GMDS: variants seen among roughly 807,000 people sequenced by gnomAD.
The protein encoded by GMDS is GDP-mannose 4,6 dehydratase.
Under a neutral mutation model 49.9 loss-of-function variants are expected in GMDS, and 20 were observed. The observed-to-expected ratio is 0.40, with a 90% CI of 0.28 to 0.58. The LOEUF (loss-of-function observed/expected upper bound fraction) is 0.58. GMDS is among the 20% of genes least tolerant of loss of function. The probability of loss-of-function intolerance (pLI) is 0.42; values close to 1 mark genes in which losing one functional copy is unlikely to be tolerated. For synonymous variants in GMDS, 177 were observed against 178.6 expected (o/e 0.99, Z 0.07); for missense variants, 362 against 481.4 (o/e 0.75, Z 2.32).
At chr6:1,672,842 C>T (rs541667372) in intron 9 of GMDS, among the ~76,000 whole-genome samples, 10 of 152,328 alleles carry the variant, frequency 6.6e-5, no homozygotes, top group Admixed American at 3.3e-4. Context: ...GGAAACTGCC[C>T]TGAGATGCTA....
intron 4 of GMDS, among the ~76,000 whole-genome samples, chr6:2,100,235 G>T (rs1773844779): frequency 6.6e-6 from 1 of 151,948 alleles, no homozygotes; most frequent in Non-Finnish European, 1.5e-5. Flanking sequence ...AATCAATGAG[G>T]CTTAAATCAC....
At chr6:1,850,995 G>A (rs186950688) in intron 7 of GMDS, among the ~76,000 whole-genome samples, 6 of 152,254 alleles carry the variant, frequency 3.9e-5, no homozygotes, top group Admixed American at 1.3e-4. Flanking sequence ...CCTACTCTAC[G>A]AGACTTTTAG....
At chr6:2,190,133 TTATTTTA>T (rs1778948650) in intron 1 of GMDS, among the ~76,000 whole-genome samples, 1 of 152,222 alleles carries the variant, frequency 6.6e-6, no homozygotes, top group South Asian at 2.1e-4. Context: ...CAAAATGCTT[TTATTTTA>T]TATTTTATTT....
At chr6:2,226,061 A>T (rs1561671777) in intron 1 of GMDS, among the ~76,000 whole-genome samples, 1 of 152,196 alleles carries the variant, frequency 6.6e-6, no homozygotes, top group Non-Finnish European at 1.5e-5. Context: ...AAAGAAAGAA[A>T]TGAAATAGAG....
chr6:1,739,424 C>T (rs1304393375), intron 8 of GMDS, among the ~76,000 whole-genome samples: 2 of 152,238 alleles, frequency 1.3e-5, no homozygotes, highest in Admixed American at 6.5e-5. Flanking sequence ...CTCTGTCTGT[C>T]TTGGAGCACA....
At chr6:2,146,485 C>G (rs951639521) in intron 1 of GMDS, among the ~76,000 whole-genome samples, 1 of 152,034 alleles carries the variant, frequency 6.6e-6, no homozygotes, top group African/African-American at 2.4e-5. Context: ...TTTGAGTCTC[C>G]GGCATTAACA....
At chr6:1,760,893 C>G (rs1021811004) in intron 7 of GMDS, among the ~76,000 whole-genome samples, 1 of 152,114 alleles carries the variant, frequency 6.6e-6, no homozygotes, top group Non-Finnish European at 1.5e-5. Flanking sequence ...TGACCTCACC[C>G]GGGACTGGGA....
At chr6:1,710,781 G>T (rs1765928717) in intron 9 of GMDS, among the ~76,000 whole-genome samples, 1 of 152,226 alleles carries the variant, frequency 6.6e-6, no homozygotes, top group Admixed American at 6.5e-5. Context: ...TTGCAGGGCG[G>T]GGGTGTGAAT....
At chr6:1,688,908 C>T (rs1765075545) in intron 9 of GMDS, among the ~76,000 whole-genome samples, 1 of 152,164 alleles carries the variant, frequency 6.6e-6, no homozygotes, top group African/African-American at 2.4e-5. Flanking sequence ...GATAGCACTT[C>T]AACATCAGCC....
chr6:1,625,367 C>T (rs1231349470), intron 9 of GMDS: 1 of 151,632 alleles, frequency 6.6e-6, no homozygotes, highest in Non-Finnish European at 1.5e-5. Context: ...AAGAAAATGC[C>T]GATCTCGACC....
intron 7 of GMDS, among the ~76,000 whole-genome samples, chr6:1,862,755 T>C (rs939211851): frequency 4.6e-5 from 7 of 152,204 alleles, no homozygotes; most frequent in Non-Finnish European, 5.9e-5. Context: ...CTTATTATGT[T>C]GTGCCGGTGA....
At chr6:2,160,056 A>G (rs142117758) in intron 1 of GMDS, among the ~76,000 whole-genome samples, 58 of 152,310 alleles carry the variant, frequency 3.8e-4, no homozygotes, top group African/African-American at 1.4e-3. Flanking sequence ...TCAATCTTTT[A>G]GAGTTAATAG....
rs562642276 is a variant in GMDS, at chr6:1,624,388, C to T, written c.1056+84G>A. The T allele has an allele frequency of 1.6e-4, 220 of 1,358,926 alleles. No individual in the cohort carries two copies. In the African/African-American group the frequency reaches 2.9e-3, roughly 18 times the overall value. 84.2% of individuals were successfully genotyped at this position (1,358,926 alleles called of 1,614,324 possible). A position where few individuals can be genotyped will look rare whatever the true frequency, so the allele number is the denominator to read the frequency against. ...CCTTCCGGGCTTTGGGCATCGCAGGCGCCTCAGGCGCCCGACCCTGAGAGC... is the reference window on the plus strand; with the variant it reads ...CCTTCCGGGCTTTGGGCATCGCAGGTGCCTCAGGCGCCCGACCCTGAGAGC... On this transcript the variant is annotated intron_variant, in intron 10 of 10. Coordinates refer to ENST00000380815, the MANE Select transcript of GMDS (RefSeq NM_001500.4).
rs571270665 is a variant in GMDS at position 1,668,725 on chromosome 6, C to CAAA, written c.988-44188_988-44186dup. Among the ~76,000 whole-genome samples, 20 of 105,270 alleles carry CAAA rather than the reference C, an allele frequency of 1.9e-4. No homozygotes were observed. The East Asian group carries it at 7.2e-3, about 38-fold the overall frequency. 69.1% of individuals were successfully genotyped at this position (105,270 alleles called of 152,430 possible). A position where few individuals can be genotyped will look rare whatever the true frequency, so the allele number is the denominator to read the frequency against. On this transcript the variant is annotated intron_variant, in intron 9 of 10. Coordinates refer to ENST00000380815, the MANE Select transcript of GMDS (RefSeq NM_001500.4). ...CTGTCTAAACAAACAAACAAACAAA[C>CAAA]AAAAAAAACCACTGGGAATAAAAAG... is the stretch of plus-strand genomic sequence containing the variant.
chr6:1,674,866 C>T lies in GMDS; in HGVS notation c.988-50326G>A, dbSNP rs530976351. ...TGGCTGGCCCTTCAAATAGATCTTA[C>T]ACATAATTTTTAGACTTACAACTAT... is the stretch of plus-strand genomic sequence containing the variant. On this transcript the variant is annotated intron_variant, in intron 9 of 10. Transcript: ENST00000380815. Among the ~76,000 whole-genome samples the T allele has an allele frequency of 2.5e-3, 333 of 132,708 alleles. 2 individuals are homozygous for T. In the Middle Eastern group the frequency reaches 0.027, roughly 11 times the overall value. The allele number at this position is 132,708 out of a possible 152,430, so 87.1% of individuals were successfully genotyped here. A position where few individuals can be genotyped will look rare whatever the true frequency, so the allele number is the denominator to read the frequency against.
At chr6:2,070,424 T>TA (rs1335958107) in intron 4 of GMDS, among the ~76,000 whole-genome samples, 5 of 151,016 alleles carry the variant, frequency 3.3e-5, no homozygotes, top group African/African-American at 7.3e-5. Context: ...ATAATAATAA[T>TA]AAAAAAAAGA....
rs551233639 is a variant in GMDS at position 2,205,395 on chromosome 6, T to C, written c.102+39926A>G. ...CACACATCCTGCCGCCTTCTTACCA[T>C]GTCCTCTAATCCAAAGCACACTGTC... On this transcript the variant is annotated intron_variant, in intron 1 of 10. Transcript: ENST00000380815. Among the ~76,000 whole-genome samples, 258 of 152,350 alleles carry C rather than the reference T, an allele frequency of 1.7e-3. 1 individual carries two copies. The highest frequency in any genetic ancestry group is 6.2e-3 in the African/African-American group (257 of 41,586).
intron 4 of GMDS, among the ~76,000 whole-genome samples, chr6:2,042,614 A>T (rs1434642172): frequency 4.6e-5 from 7 of 152,242 alleles, no homozygotes; most frequent in Admixed American, 6.5e-5. Flanking sequence ...AGCTTAAAAA[A>T]TTTTTTTTAA....
At chr6:1,652,410 TATATATA>T (rs1223153142) in intron 9 of GMDS, among the ~76,000 whole-genome samples, 4 of 956 alleles carry the variant, frequency 4.2e-3, no homozygotes, top group East Asian at 0.091. Context: ...ATATATATAT[TATATATA>T]ATATATATAT....
Sources: allele counts gnomAD v4.1 joint callset (sites outside exome capture counted in the v4.1 genomes callset), GRCh38; gene constraint gnomAD v4.1.1; transcripts MANE v1.5; gene names NCBI Gene and HGNC (gene_info 2026-07-23, HGNC 2026-07-21).